The following GABRB2 variants were observed in gnomAD, a reference collection of about 807,000 sequenced individuals.
GABRB2 encodes the protein gamma-aminobutyric acid receptor subunit beta-2.
In GABRB2, 16 loss-of-function variants were observed where a neutral mutation model predicts 54.7. The ratio of observed to expected loss-of-function variants is 0.29; its 90% CI spans 0.20 to 0.44. The LOEUF is 0.44. Ranked by LOEUF, GABRB2 falls within the 20% of genes least tolerant of loss-of-function variation. The pLI, the probability that GABRB2 is intolerant of heterozygous loss-of-function variation, is 1.00. For missense variants in GABRB2, 355 were observed against 644.0 expected (o/e 0.55, Z 4.86); for synonymous variants, 244 against 233.8 (o/e 1.04, Z -0.40).
chr5:161,310,982 G>T (rs149798093), intron 9 of GABRB2, among the ~76,000 whole-genome samples: 7 of 152,042 alleles, frequency 4.6e-5, no homozygotes, highest in Non-Finnish European at 8.8e-5. Context: ...AGATGGTCTC[G>T]ATCTCCTCAC....
At chr5:161,381,843 T>A (rs1755478237) in intron 5 of GABRB2, among the ~76,000 whole-genome samples, 1 of 152,184 alleles carries the variant, frequency 6.6e-6, no homozygotes, top group South Asian at 2.1e-4. Context: ...TGTTTCCTCA[T>A]CTACTAAATA....
At chr5:161,430,901 A>G (rs1270620316) in intron 4 of GABRB2, among the ~76,000 whole-genome samples, 1 of 152,180 alleles carries the variant, frequency 6.6e-6, no homozygotes, top group African/African-American at 2.4e-5. Context: ...TTGTTAAGAC[A>G]AATTGCTTTT....
In GABRB2 at chr5:161,524,194, A is replaced by T. The variant is rs184619486; in HGVS notation, c.237+21033T>A. Among the ~76,000 whole-genome samples the T allele has an allele frequency of 1.9e-3, 295 of 151,532 alleles. 1 individual carries two copies. The highest frequency in any genetic ancestry group is 0.014 in the Middle Eastern group (4 of 294). On this transcript the variant is annotated intron_variant, in intron 3 of 9. Transcript: ENST00000393959. ...ATATTGTATTAATTCTCCTTCTTAC[A>T]TTAATGTAAACATTAATGTTCTCAA...
At chr5:161,381,049 C>T (rs1314441716) in intron 5 of GABRB2, among the ~76,000 whole-genome samples, 1 of 152,128 alleles carries the variant, frequency 6.6e-6, no homozygotes, top group Non-Finnish European at 1.5e-5. Context: ...AATTAAGAGA[C>T]CTCTCAATCT....
Position 161,489,253 on chromosome 5 carries a change from G to A in GABRB2, c.238-29409C>T, listed in dbSNP as rs189298276. 3.8e-3 allele frequency among the ~76,000 whole-genome samples: 571 copies of A among 151,700 alleles called. 8 individuals are homozygous for A. The highest frequency in any genetic ancestry group is 0.013 in the African/African-American group (534 of 41,470). On this transcript the variant is annotated intron_variant, in intron 3 of 9. Coordinates refer to ENST00000393959, the MANE Select transcript of GABRB2 (RefSeq NM_001371727.1). Reference sequence around the variant, plus strand: ...AGTAATATGAGCACAGTAGAAGATAGAATGACCCTTATATTTATGTATACA... The same window carrying A: ...AGTAATATGAGCACAGTAGAAGATAAAATGACCCTTATATTTATGTATACA...
chr5:161,416,696 C>CAAAAAAAAAAATAAAAAAAAAAA (rs1756680966), intron 4 of GABRB2, among the ~76,000 whole-genome samples: 1 of 35,120 alleles, frequency 2.8e-5, no homozygotes, highest in African/African-American at 6.6e-5. Context: ...GACTCCGTCT[C>CAAAAAAAAAAATAAAAAAAAAAA]AAAAAAAAAA....
chr5:161,486,253 T>C (rs1758918192), intron 3 of GABRB2, among the ~76,000 whole-genome samples: 1 of 151,918 alleles, frequency 6.6e-6, no homozygotes, highest in Non-Finnish European at 1.5e-5. Context: ...CACAAATATT[T>C]CTCAAACATC....
intron 9 of GABRB2, among the ~76,000 whole-genome samples, chr5:161,315,034 TAA>T (rs1757981789): frequency 1.3e-5 from 2 of 152,146 alleles, no homozygotes; most frequent in African/African-American, 4.8e-5. Flanking sequence ...AGTGATCTAG[TAA>T]TATGGTAGAA....
intron 4 of GABRB2, among the ~76,000 whole-genome samples, chr5:161,444,056 G>A (rs1279707424): frequency 6.6e-6 from 1 of 152,054 alleles, no homozygotes; most frequent in Non-Finnish European, 1.5e-5. Context: ...CAATGTATAG[G>A]TCCAGTCAAA....
intron 5 of GABRB2, among the ~76,000 whole-genome samples, chr5:161,341,098 T>C (rs946716990): frequency 2.0e-5 from 3 of 152,022 alleles, no homozygotes; most frequent in African/African-American, 7.2e-5. Flanking sequence ...ACGAGCTCCA[T>C]GACAGTTCCA....
chr5:161,312,094 C>A (rs1757887442), intron 9 of GABRB2, among the ~76,000 whole-genome samples: 1 of 151,728 alleles, frequency 6.6e-6, no homozygotes, highest in Non-Finnish European at 1.5e-5. Flanking sequence ...CTGACTAAAC[C>A]CTCAGGGGAG....
intron 8 of GABRB2, among the ~76,000 whole-genome samples, chr5:161,328,521 A>C (rs768410030): frequency 6.6e-6 from 1 of 151,926 alleles, no homozygotes; most frequent in Non-Finnish European, 1.5e-5. Flanking sequence ...GTCTACTGTC[A>C]CCCAGTTGTT....
At chr5:161,497,923 A>G (rs919083258) in intron 3 of GABRB2, among the ~76,000 whole-genome samples, 2 of 152,064 alleles carry the variant, frequency 1.3e-5, no homozygotes, top group Non-Finnish European at 2.9e-5. Flanking sequence ...TTGAGTAAAA[A>G]TTTCCCTTAT....
chr5:161,365,404 GC>G (rs1754943536), intron 5 of GABRB2, among the ~76,000 whole-genome samples: 1 of 151,956 alleles, frequency 6.6e-6, no homozygotes, highest in African/African-American at 2.4e-5. Context: ...GTGCCTCTTT[GC>G]CTTATTTTGT....
At chr5:161,362,027 T>C (rs1754827170) in intron 5 of GABRB2, among the ~76,000 whole-genome samples, 1 of 152,182 alleles carries the variant, frequency 6.6e-6, no homozygotes, top group Non-Finnish European at 1.5e-5. Flanking sequence ...ATTTATTAAA[T>C]AGGGAATCCT....
chr5:161,296,914 C>G (rs565317237), intron 9 of GABRB2, among the ~76,000 whole-genome samples: 2 of 152,082 alleles, frequency 1.3e-5, no homozygotes, highest in African/African-American at 4.8e-5. Context: ...TTCGGGAAGA[C>G]TAACTGAAAT....
chr5:161,421,197 C>T (rs1041322842), intron 4 of GABRB2, among the ~76,000 whole-genome samples: 1 of 151,874 alleles, frequency 6.6e-6, no homozygotes, highest in Non-Finnish European at 1.5e-5. Context: ...AGAAGCAGAC[C>T]CTGAAGGACA....
intron 3 of GABRB2, among the ~76,000 whole-genome samples, chr5:161,488,228 G>GTT (rs72084883): frequency 5.2e-4 from 74 of 141,094 alleles, no homozygotes; most frequent in African/African-American, 1.1e-3. Flanking sequence ...TTTGCTTTTA[G>GTT]TTTTTTTTTT....
chr5:161,303,014 G>T (rs1220162272), intron 9 of GABRB2, among the ~76,000 whole-genome samples: 1 of 152,104 alleles, frequency 6.6e-6, no homozygotes, highest in Non-Finnish European at 1.5e-5. Context: ...AATAAAAAAT[G>T]GTAGGAATAA....
Sources: gnomAD v4.1 joint callset for allele counts (sites outside exome capture counted in the v4.1 genomes callset) on GRCh38, gnomAD v4.1.1 for gene constraint, MANE v1.5 for transcripts, NCBI Gene and HGNC (gene_info 2026-07-23, HGNC 2026-07-21) for gene names.